Variants in HMGCLL1 observed in about 807,000 individuals in gnomAD.
HMGCLL1 encodes the protein 3-hydroxymethyl-3-methylglutaryl-CoA lyase, cytoplasmic.
Under a neutral mutation model 39.1 loss-of-function variants are expected in HMGCLL1, and 36 were observed. The observed-to-expected ratio is 0.92, with a 90% confidence interval of 0.71 to 1.22. The LOEUF (loss-of-function observed/expected upper bound fraction) is 1.22. HMGCLL1 is among the 50% of genes most tolerant of loss of function. The pLI is 0.00. For synonymous variants in HMGCLL1, 149 were observed against 144.0 expected, an observed-to-expected ratio of 1.03 and a Z score of -0.25; for missense variants, 451 against 416.5, an observed-to-expected ratio of 1.08 and a Z score of -0.72.
At chr6:55,648,232 G>A in the HMGCLL1 span, among the ~76,000 whole-genome samples, 9 of 150,154 alleles carry the variant, frequency 6.0e-5, no homozygotes, top group East Asian at 2.0e-4. Flanking sequence ...ATAAACATAC[G>A]TGTGCATGTG....
chr6:55,450,253 T>C (rs1035848605), intron 7 of HMGCLL1, among the ~76,000 whole-genome samples: 18 of 152,198 alleles, frequency 1.2e-4, no homozygotes, highest in Non-Finnish European at 2.1e-4. Flanking sequence ...ATTTATGCCA[T>C]TGACAAATTT....
At chr6:55,611,651 G>T in the HMGCLL1 span, among the ~76,000 whole-genome samples, 4 of 152,020 alleles carry the variant, frequency 2.6e-5, no homozygotes, top group Non-Finnish European at 5.9e-5. Flanking sequence ...TGCAAGGCAG[G>T]TTCAACATAC....
At chr6:55,495,295 C>G (rs1346083410) in intron 7 of HMGCLL1, 124 bp downstream of exon 7, 4 of 769,004 alleles carry the variant, frequency 5.2e-6, no homozygotes, top group Non-Finnish European at 8.1e-6. Context: ...TGTACAGACA[C>G]TGGTTAAAAT....
intron 1 of HMGCLL1, among the ~76,000 whole-genome samples, chr6:55,547,605 A>G (rs1356425862): frequency 3.3e-5 from 5 of 152,022 alleles, no homozygotes; most frequent in Non-Finnish European, 7.4e-5. Context: ...AGTATTCCCA[A>G]GAACTGCTAT....
the HMGCLL1 span, among the ~76,000 whole-genome samples, chr6:55,637,746 C>A: frequency 2.0e-5 from 2 of 101,686 alleles, no homozygotes; most frequent in African/African-American, 8.3e-5. Flanking sequence ...GTGTATGTGT[C>A]TGTGTGTGTC....
intron 1 of HMGCLL1, among the ~76,000 whole-genome samples, chr6:55,546,913 G>A (rs538450605): frequency 9.9e-5 from 15 of 152,112 alleles, no homozygotes; most frequent in Middle Eastern, 3.4e-3. Flanking sequence ...ATGGCTGAGC[G>A]TATGCCCACG....
chr6:55,583,457 G>A (rs1772019535), upstream of HMGCLL1, among the ~76,000 whole-genome samples: 1 of 148,334 alleles, frequency 6.7e-6, no homozygotes, highest in Admixed American at 6.9e-5. Context: ...TTGGTTTTTT[G>A]TCCTTGCGAT....
chr6:55,509,064 T>C (rs553887493), intron 5 of HMGCLL1, among the ~76,000 whole-genome samples: 1 of 151,852 alleles, frequency 6.6e-6, no homozygotes, highest in Non-Finnish European at 1.5e-5. Flanking sequence ...GCCAGAATAA[T>C]ATATAAAGCT....
chr6:55,534,685 T>C (rs1176169008), intron 3 of HMGCLL1, among the ~76,000 whole-genome samples: 1 of 152,132 alleles, frequency 6.6e-6, no homozygotes, highest in Non-Finnish European at 1.5e-5. Flanking sequence ...TGTGAGTACC[T>C]AAGAAACCTC....
At chr6:55,615,460 G>T in the HMGCLL1 span, among the ~76,000 whole-genome samples, 1 of 152,162 alleles carries the variant, frequency 6.6e-6, no homozygotes, top group African/African-American at 2.4e-5. Flanking sequence ...CTTGCAGGTG[G>T]AGTGTAAAGG....
the HMGCLL1 span, among the ~76,000 whole-genome samples, chr6:55,592,223 T>C: frequency 6.6e-6 from 1 of 151,988 alleles, no homozygotes; most frequent in Non-Finnish European, 1.5e-5. Flanking sequence ...TCTAGTGTCT[T>C]TTATTTTACC....
chr6:55,614,431 A>G, the HMGCLL1 span, among the ~76,000 whole-genome samples: 1 of 152,132 alleles, frequency 6.6e-6, no homozygotes, highest in Non-Finnish European at 1.5e-5. Context: ...TCTTAATCTG[A>G]GATGTCCCAG....
chr6:55,487,893 T>C (rs1200987623), intron 7 of HMGCLL1, among the ~76,000 whole-genome samples: 1 of 152,072 alleles, frequency 6.6e-6, no homozygotes, highest in African/African-American at 2.4e-5. Flanking sequence ...AAGTATCTCC[T>C]CTGGGTTATT....
At chr6:55,627,917 A>AC in the HMGCLL1 span, among the ~76,000 whole-genome samples, 25 of 3,774 alleles carry the variant, frequency 6.6e-3, no homozygotes, top group Non-Finnish European at 0.01. Flanking sequence ...TACTATATAT[A>AC]TATAATATAT....
intron 7 of HMGCLL1, among the ~76,000 whole-genome samples, chr6:55,479,637 C>T (rs766081190): frequency 6.6e-6 from 1 of 151,404 alleles, no homozygotes; most frequent in Non-Finnish European, 1.5e-5. Flanking sequence ...TAGGTCAGAA[C>T]AATGTAGACA....
chr6:55,530,826 T>C (rs1336817366), intron 3 of HMGCLL1, among the ~76,000 whole-genome samples: 2 of 152,182 alleles, frequency 1.3e-5, no homozygotes, highest in Admixed American at 6.6e-5. Flanking sequence ...CGTGTGTACC[T>C]AAAAATTAGA....
chr6:55,538,007 T>C (rs565300747), intron 3 of HMGCLL1, among the ~76,000 whole-genome samples: 1 of 152,306 alleles, frequency 6.6e-6, no homozygotes, highest in South Asian at 2.1e-4. Context: ...CTGCCTTTTT[T>C]TTTCCTTTTG....
the HMGCLL1 span, among the ~76,000 whole-genome samples, chr6:55,630,819 T>C: frequency 6.6e-6 from 1 of 152,132 alleles, no homozygotes; most frequent in Non-Finnish European, 1.5e-5. Flanking sequence ...CCTTCTGCTA[T>C]GATTGTGAGG....
intron 7 of HMGCLL1, among the ~76,000 whole-genome samples, chr6:55,445,558 A>G (rs1763788356): frequency 6.6e-6 from 1 of 151,996 alleles, no homozygotes; most frequent in South Asian, 2.1e-4. Context: ...CCTATATGAG[A>G]GACTTTCGGC....
Sources: gnomAD v4.1 joint callset for allele counts (sites outside exome capture counted in the v4.1 genomes callset) on GRCh38, gnomAD v4.1.1 for gene constraint, MANE v1.5 for transcripts, NCBI Gene and HGNC (gene_info 2026-07-23, HGNC 2026-07-21) for gene names.